The following NR6A1 variants were observed in gnomAD, a reference collection of about 807,000 sequenced individuals.
The protein encoded by NR6A1 is retinoic acid receptor-related testis-associated receptor.
NR6A1 carries 7 observed loss-of-function variants against 59.1 expected under a neutral mutation model. The ratio of observed to expected loss-of-function variants is 0.12; its 90% CI spans 0.07 to 0.22. NR6A1 has a LOEUF of 0.22. Among genes scored for constraint, NR6A1 ranks in the 10% least tolerant of loss-of-function variants. NR6A1 has a pLI of 1.00. For missense variants in NR6A1, 468 were observed against 611.6 expected, an observed-to-expected ratio of 0.77 and a Z score of 2.48; for synonymous variants, 243 against 236.1, an observed-to-expected ratio of 1.03 and a Z score of -0.27.
chr9:124,633,013 C>T (rs888657099), intron 2 of NR6A1, among the ~76,000 whole-genome samples: 42 of 152,124 alleles, frequency 2.8e-4, no homozygotes, highest in African/African-American at 9.7e-4. Context: ...AAGAAACAAC[C>T]TTTTACTTCT....
chr9:124,716,095 T>C (rs1839411008), intron 2 of NR6A1, among the ~76,000 whole-genome samples: 1 of 152,014 alleles, frequency 6.6e-6, no homozygotes, highest in Admixed American at 6.6e-5. Context: ...TCCCAGCTAC[T>C]TGGGAGGCTG....
intron 4 of NR6A1, among the ~76,000 whole-genome samples, chr9:124,541,444 T>C (rs1564171266): frequency 1.3e-5 from 2 of 152,302 alleles, no homozygotes; most frequent in South Asian, 4.1e-4. Context: ...ACACCTGTTA[T>C]GTCTGTTGTA....
chr9:124,741,558 C>T (rs895693124), intron 1 of NR6A1, among the ~76,000 whole-genome samples: 5 of 152,164 alleles, frequency 3.3e-5, no homozygotes, highest in South Asian at 4.1e-4. Context: ...CACTTAATGC[C>T]ACTAAGTTGT....
chr9:124,633,588 C>A (rs1198632076), intron 2 of NR6A1, among the ~76,000 whole-genome samples: 1 of 151,956 alleles, frequency 6.6e-6, no homozygotes, highest in Non-Finnish European at 1.5e-5. Context: ...TAAGCAGGGC[C>A]CCTGGTACTG....
chr9:124,669,197 C>T (rs933032265), intron 2 of NR6A1, among the ~76,000 whole-genome samples: 6 of 152,254 alleles, frequency 3.9e-5, no homozygotes, highest in African/African-American at 1.2e-4. Flanking sequence ...AAACTGACAT[C>T]GAAAACACTG....
At chr9:124,534,770 TC>T (rs1833205701) in intron 7 of NR6A1, among the ~76,000 whole-genome samples, 1 of 152,168 alleles carries the variant, frequency 6.6e-6, no homozygotes, top group Non-Finnish European at 1.5e-5. Flanking sequence ...AGTTTTCTCA[TC>T]TATAAAATAG....
At chr9:124,578,142 G>A (rs144118552) in intron 2 of NR6A1, among the ~76,000 whole-genome samples, 5 of 152,144 alleles carry the variant, frequency 3.3e-5, no homozygotes, top group Non-Finnish European at 5.9e-5. Context: ...TACTCTTTGG[G>A]ACTTCCAAAC....
intron 2 of NR6A1, among the ~76,000 whole-genome samples, chr9:124,560,903 C>G (rs139807720): frequency 1.0e-3 from 158 of 152,142 alleles, no homozygotes; most frequent in African/African-American, 3.7e-3. Flanking sequence ...ATTGATGAGA[C>G]TGGGATTAGG....
At chr9:124,596,649 A>G (rs1198606850) in intron 2 of NR6A1, among the ~76,000 whole-genome samples, 2 of 152,238 alleles carry the variant, frequency 1.3e-5, no homozygotes. Flanking sequence ...CCTAAAACTC[A>G]TAAGATCTTA....
chr9:124,692,218 A>C (rs144160909), intron 2 of NR6A1, among the ~76,000 whole-genome samples: 3 of 152,358 alleles, frequency 2.0e-5, no homozygotes, highest in African/African-American at 7.2e-5. Flanking sequence ...CATTTTTAGA[A>C]TCACAAAATA....
At chr9:124,525,057 G>A (rs890343095) in intron 8 of NR6A1, among the ~76,000 whole-genome samples, 184 bp from the exon 9 acceptor site, 2 of 152,130 alleles carry the variant, frequency 1.3e-5, no homozygotes, top group Non-Finnish European at 1.5e-5. Flanking sequence ...AATGAAGAGA[G>A]AGAGGAAAAA....
intron 2 of NR6A1, among the ~76,000 whole-genome samples, chr9:124,655,860 C>G (rs1026461863): frequency 1.3e-5 from 2 of 152,124 alleles, no homozygotes; most frequent in Non-Finnish European, 1.5e-5. Context: ...GAAAAACTGT[C>G]TTGATAGCAA....
chr9:124,766,544 A>G (rs769631393), intron 1 of NR6A1, among the ~76,000 whole-genome samples: 1 of 152,260 alleles, frequency 6.6e-6, no homozygotes, highest in Non-Finnish European at 1.5e-5. Flanking sequence ...GTTTTTACAC[A>G]TGAAATAAGG....
At chr9:124,598,193 T>C (rs937736777) in intron 2 of NR6A1, among the ~76,000 whole-genome samples, 8 of 151,974 alleles carry the variant, frequency 5.3e-5, no homozygotes, top group Non-Finnish European at 1.0e-4. Flanking sequence ...ATTGTTTAGC[T>C]GGGGATGGGT....
chr9:124,747,187 CT>C (rs35429356), intron 1 of NR6A1, among the ~76,000 whole-genome samples: 3,428 of 122,464 alleles, frequency 0.028, 66 homozygotes, highest in East Asian at 0.097. Context: ...CCTTGTCTGA[CT>C]TTTTTTTTTT....
intron 2 of NR6A1, among the ~76,000 whole-genome samples, chr9:124,730,084 AT>A (rs1265304823): frequency 2.0e-5 from 3 of 152,192 alleles, no homozygotes; most frequent in Admixed American, 1.3e-4. Flanking sequence ...AAGTGCTGGG[AT>A]TACAGGCGTG....
chr9:124,733,419 T>A, intron 1 of NR6A1, 70 bp from the exon 2 acceptor site: 1 of 1,166,314 alleles, frequency 8.6e-7, no homozygotes, highest in Non-Finnish European at 1.3e-6. Flanking sequence ...AAATATGAAG[T>A]ATCATACAGT....
chr9:124,528,467 G>A (rs1833005539), intron 7 of NR6A1, among the ~76,000 whole-genome samples: 1 of 152,200 alleles, frequency 6.6e-6, no homozygotes, highest in African/African-American at 2.4e-5. Flanking sequence ...TTGGGAGGCT[G>A]AGGTAGGCAG....
chr9:124,672,437 A>G (rs1458783133), intron 2 of NR6A1, among the ~76,000 whole-genome samples: 1 of 152,070 alleles, frequency 6.6e-6, no homozygotes, highest in African/African-American at 2.4e-5. Context: ...CAACATAGTG[A>G]AATCCCGTCT....
Sources: allele counts gnomAD v4.1 joint callset (sites outside exome capture counted in the v4.1 genomes callset), GRCh38; gene constraint gnomAD v4.1.1; transcripts MANE v1.5; gene names NCBI Gene and HGNC (gene_info 2026-07-23, HGNC 2026-07-21).